The following TEX2 variants were observed in gnomAD, a reference collection of about 807,000 sequenced individuals.
TEX2 encodes the protein testis expressed 2.
A neutral mutation model predicts 106.9 loss-of-function variants in TEX2; 53 were observed. That is an observed-to-expected ratio of 0.50 (90% CI 0.40 to 0.62). The LOEUF (loss-of-function observed/expected upper bound fraction) is 0.62, where lower values mean the gene tolerates loss of function less well. TEX2 is among the 20% of genes least tolerant of loss of function. The pLI is 0.00. For missense variants in TEX2, 1,207 were observed against 1,379.0 expected (o/e 0.88, Z 1.98); for synonymous variants, 523 against 534.8 (o/e 0.98, Z 0.30).
chr17:64,190,302 T>A (rs2032248351), intron 4 of TEX2, among the ~76,000 whole-genome samples: 1 of 152,120 alleles, frequency 6.6e-6, no homozygotes, highest in Non-Finnish European at 1.5e-5. Flanking sequence ...ACATTTAATA[T>A]CCTGGATTGG....
chr17:64,215,105 T>C lies in TEX2; in HGVS notation c.-25-863A>G, dbSNP rs192199945. On this transcript the variant is annotated intron_variant, in intron 1 of 11. Coordinates refer to ENST00000584379, the MANE Select transcript of TEX2 (RefSeq NM_001288732.2). ...ATAGCTGATTGCTTCTTTCTGGAGC[T>C]TAGCTGGAACGAAGTCAGAAGCCTG... Among the ~76,000 whole-genome samples the C allele has an allele frequency of 2.0e-5, 3 of 152,314 alleles. No homozygotes were observed. In the East Asian group the frequency reaches 5.8e-4, roughly 29 times the overall value.
intron 1 of TEX2, among the ~76,000 whole-genome samples, chr17:64,228,990 T>A (rs775662868): frequency 1.3e-5 from 2 of 151,668 alleles, no homozygotes; most frequent in African/African-American, 2.4e-5. Context: ...CACAGTAAGG[T>A]ATGCCACTAT....
intron 1 of TEX2, among the ~76,000 whole-genome samples, chr17:64,228,569 C>A (rs1555634199): frequency 6.6e-6 from 1 of 152,134 alleles, no homozygotes; most frequent in Admixed American, 6.5e-5. Flanking sequence ...ATCTGTGCCG[C>A]TACTGATGTG....
chr17:64,240,883 T>C lies in TEX2; in HGVS notation c.-26+22285A>G, dbSNP rs1468509893. 3.9e-5 allele frequency among the ~76,000 whole-genome samples: 6 copies of C among 152,170 alleles called. No homozygotes were observed. The South Asian group carries it at 8.3e-4, about 21-fold the overall frequency. ...AATGTACTCTGGGACTCTGGAGTAA[T>C]AGGAATAACTTCAGGGCTGAGCAGG... is the stretch of plus-strand genomic sequence containing the variant. On this transcript the variant is annotated intron_variant, in intron 1 of 11. Transcript: ENST00000584379.
chr17:64,262,721 T>C (rs1213063898), intron 1 of TEX2, among the ~76,000 whole-genome samples: 8 of 152,324 alleles, frequency 5.3e-5, no homozygotes, highest in Admixed American at 3.9e-4. Flanking sequence ...CCGGGGCGCA[T>C]ACAACCTCTG....
At chr17:64,246,714 G>T (rs762163412) in intron 1 of TEX2, among the ~76,000 whole-genome samples, 13 of 152,226 alleles carry the variant, frequency 8.5e-5, no homozygotes, top group Non-Finnish European at 1.8e-4. Flanking sequence ...GTCAGTAACA[G>T]GCAACAGCAG....
intron 2 of TEX2, among the ~76,000 whole-genome samples, chr17:64,196,506 G>T (rs2032471602): frequency 6.6e-6 from 1 of 152,118 alleles, no homozygotes; most frequent in African/African-American, 2.4e-5. Context: ...CCCAAAGAAT[G>T]ACCGGACAGG....
rs1488944019 is a variant in TEX2 at position 64,185,418 on chromosome 17, G to T, written c.2424+2750C>A. Reference sequence around the variant, plus strand: ...GAGTCTCTCTTCCTGATGTACCCATGCTGGAAGTGGTACCATTGCACTTTC... The same window carrying T: ...GAGTCTCTCTTCCTGATGTACCCATTCTGGAAGTGGTACCATTGCACTTTC... On this transcript the variant is annotated intron_variant, in intron 5 of 11. Coordinates refer to ENST00000584379, the MANE Select transcript of TEX2 (RefSeq NM_001288732.2). The surrounding 1 kb of genome is among the most constrained non-coding windows in gnomAD (Gnocchi z 4.0). Among the ~76,000 whole-genome samples the T allele has an allele frequency of 6.6e-6, 1 of 152,110 alleles. No homozygotes were observed. The highest frequency in any genetic ancestry group is 1.5e-5 in the Non-Finnish European group (1 of 68,022).
chr17:64,196,828 T>C (rs1207657657), intron 2 of TEX2, among the ~76,000 whole-genome samples: 1 of 152,094 alleles, frequency 6.6e-6, no homozygotes, highest in East Asian at 1.9e-4. Flanking sequence ...GATGTATGAG[T>C]CATGATGTGC....
chr17:64,178,690 C>T (rs566307204), intron 5 of TEX2, among the ~76,000 whole-genome samples: 65 of 152,326 alleles, frequency 4.3e-4, no homozygotes, highest in African/African-American at 1.6e-3. Context: ...TTTAGAAATG[C>T]AGAATCTGTG....
intron 2 of TEX2, among the ~76,000 whole-genome samples, chr17:64,197,402 C>G (rs1555629505): frequency 6.6e-6 from 1 of 152,060 alleles, no homozygotes; most frequent in Admixed American, 6.6e-5. Flanking sequence ...AATTTCTGGG[C>G]ATAATGTTGT....
intron 5 of TEX2, among the ~76,000 whole-genome samples, chr17:64,187,427 T>A (rs2032117206): frequency 6.6e-6 from 1 of 151,982 alleles, no homozygotes; most frequent in African/African-American, 2.4e-5. Context: ...AGCCAGCGCC[T>A]CCTGCCAAGC....
Position 64,149,010 on chromosome 17 carries a change from G to A in TEX2, c.3343C>T (p.Leu1115Phe). The A allele has an allele frequency of 6.2e-7, 1 of 1,614,216 alleles. No individual in the cohort carries two copies. The highest frequency in any genetic ancestry group is 8.5e-7 in the Non-Finnish European group (1 of 1,180,028). ...GCCTCCACAGGTGGGTCTTTCAGGA[G>A]GCAGGAAGTAGAGCGAGGGTCCATG... ...SAMDPRSTSCLLKDPPVEAAD... is the reference protein window; with the variant it reads ...SAMDPRSTSCFLKDPPVEAAD... The change falls in exon 12 of 12, where the codon CTC becomes TTC. Residue 1115 changes from leucine to phenylalanine, a missense_variant. Coordinates refer to ENST00000584379, the MANE Select transcript of TEX2 (RefSeq NM_001288732.2).
At chr17:64,256,316 G>C (rs1326713828) in intron 1 of TEX2, among the ~76,000 whole-genome samples, 1 of 152,188 alleles carries the variant, frequency 6.6e-6, no homozygotes, top group African/African-American at 2.4e-5. Flanking sequence ...GCATCTTGGA[G>C]GTGGGAAAGT....
At chr17:64,240,491 G>A (rs1598218797) in intron 1 of TEX2, among the ~76,000 whole-genome samples, 2 of 152,150 alleles carry the variant, frequency 1.3e-5, no homozygotes, top group Non-Finnish European at 1.5e-5. Flanking sequence ...GGCGCCTGGT[G>A]CAGTAGAAAG....
Position 64,194,899 on chromosome 17 carries a change from C to T in TEX2, c.1841G>A (p.Ser614Asn). The change falls in exon 3 of 12, where the codon AGC becomes AAC. Residue 614 changes from serine to asparagine, a missense_variant. Around this residue, in one of 3 missense-constraint regions of TEX2, gnomAD observed 1,067 missense variants for 1,193.6 expected, o/e 0.89. Coordinates refer to ENST00000584379, the MANE Select transcript of TEX2 (RefSeq NM_001288732.2). Reference sequence around the variant, plus strand: ...TCCAAAATTGCTCAGGCTCACCTTGCTGTCTGAGAGGTCATAGATTTTCTG... The same window carrying T: ...TCCAAAATTGCTCAGGCTCACCTTGTTGTCTGAGAGGTCATAGATTTTCTG... The part of the protein sequence containing the change: ...ISQKIYDLSD[S>N]KIYLVPKTLA... 6.2e-7 allele frequency: 1 copy of T among 1,614,076 alleles called. No homozygotes were observed.
chr17:64,232,186 T>C (rs925398063), intron 1 of TEX2, among the ~76,000 whole-genome samples: 14 of 152,168 alleles, frequency 9.2e-5, no homozygotes, highest in African/African-American at 3.4e-4. Context: ...AACAGGATCC[T>C]AGGAGGCTTA....
chr17:64,224,671 G>A (rs549934318), intron 1 of TEX2, among the ~76,000 whole-genome samples: 1 of 152,162 alleles, frequency 6.6e-6, no homozygotes, highest in African/African-American at 2.4e-5. Flanking sequence ...CACAGCACAG[G>A]GTTTAGACGA....
chr17:64,148,307 G>T lies in TEX2; in HGVS notation c.*662C>A, dbSNP rs2030160653. On this transcript the variant is annotated 3_prime_UTR_variant, in exon 12 of 12. Transcript: ENST00000584379. ...GGTGGTTGTACCTCATTGGTGAAAG[G>T]CTTGGGATGGTTTGATCTCATGGCT... 6.6e-6 allele frequency: 1 copy of T among 152,646 alleles called. No individual in the cohort carries two copies. Among genetic ancestry groups the T allele is most frequent in the Non-Finnish European group, 1.5e-5 (1 of 68,080 alleles). 9.5% of individuals were successfully genotyped at this position (152,646 alleles called of 1,614,324 possible).
Sources: gnomAD v4.1 joint callset for allele counts (sites outside exome capture counted in the v4.1 genomes callset) on GRCh38, gnomAD v4.1.1 for gene constraint, gnomAD v4.1.1 regional missense constraint, Gnocchi (gnomAD v3.1) non-coding constraint, MANE v1.5 for transcripts, NCBI Gene and HGNC (gene_info 2026-07-23, HGNC 2026-07-21) for gene names.